The following SERPINB5 variants were observed in gnomAD, a reference collection of about 807,000 sequenced individuals.
SERPINB5 encodes serpin B5.
A neutral mutation model predicts 32.2 loss-of-function variants in SERPINB5; 27 were observed. The ratio of observed to expected loss-of-function variants is 0.84; its 90% confidence interval spans 0.62 to 1.16. The LOEUF is 1.16. Ranked by LOEUF, SERPINB5 falls within the 50% of genes most tolerant of loss-of-function variation. The pLI is 0.00. For synonymous variants in SERPINB5, 154 were observed against 157.4 expected, an observed-to-expected ratio of 0.98 and a Z score of 0.16; for missense variants, 388 against 436.3, an observed-to-expected ratio of 0.89 and a Z score of 0.99.
intron 4 of SERPINB5, 152 bp from the exon 5 acceptor site, chr18:63,492,801 A>G: frequency 1.1e-6 from 1 of 903,002 alleles, no homozygotes; most frequent in Non-Finnish European, 1.7e-6. Context: ...AAGGAGAGAA[A>G]GGAGTCCTTC....
In SERPINB5 at chr18:63,498,924, T is replaced by C. The variant is rs941051228; in HGVS notation, c.568-196T>C. Among the ~76,000 whole-genome samples, 1 of 150,886 alleles carries C rather than the reference T, an allele frequency of 6.6e-6. No homozygotes were observed. The highest frequency in any genetic ancestry group is 2.4e-5 in the African/African-American group (1 of 41,114). ...GTATGTATGCATATATATGTATATG[T>C]GTATATATAGGTGTATGTATATATG... On this transcript the variant is annotated intron_variant, in intron 5 of 6. Coordinates refer to ENST00000382771, the MANE Select transcript of SERPINB5 (RefSeq NM_002639.5). This position sits in a 1 kb window ranked among gnomAD's most constrained non-coding sequence, Gnocchi z 4.2.
intron 5 of SERPINB5, chr18:63,497,452 C>A: frequency 1.4e-6 from 1 of 703,484 alleles, no homozygotes; most frequent in Non-Finnish European, 2.5e-6. Flanking sequence ...GCACACCATT[C>A]TTGGTGCTGG....
chr18:63,484,269 A>G (rs1917170269), intron 1 of SERPINB5, among the ~76,000 whole-genome samples, 153 bp from the exon 2 acceptor site: 2 of 152,364 alleles, frequency 1.3e-5, no homozygotes, highest in East Asian at 1.9e-4. Context: ...TTTCTTCACA[A>G]CTGATCTTAC....
chr18:63,484,739 A>AAATTTTTTTT, intron 2 of SERPINB5, 143 bp downstream of exon 2: 2 of 144,428 alleles, frequency 1.4e-5, no homozygotes, highest in Non-Finnish European at 2.6e-5. Context: ...GACTCTCTTA[A>AAATTTTTTTT]TCTTTTTTTT....
intron 1 of SERPINB5, among the ~76,000 whole-genome samples, chr18:63,483,417 TTA>T (rs1917155970): frequency 6.6e-6 from 1 of 152,218 alleles, no homozygotes; most frequent in African/African-American, 2.4e-5. Flanking sequence ...TTAAGTATTG[TTA>T]TGTGCTGGGT....
At chr18:63,482,007 A>C (rs549643666) in intron 1 of SERPINB5, among the ~76,000 whole-genome samples, 27 of 152,324 alleles carry the variant, frequency 1.8e-4, no homozygotes, top group African/African-American at 6.0e-4. Context: ...TGTACTTATC[A>C]GGGACATATG....
At position 63,498,755 on chromosome 18, in the gene SERPINB5, A is replaced by G. The variant is rs528020225; in HGVS notation, c.568-365A>G. Reference sequence around the variant, plus strand: ...GTGTCAAGAGCAAATTTGTGTATATATATATATGTACATATATATTTATGT... The same window carrying G: ...GTGTCAAGAGCAAATTTGTGTATATGTATATATGTACATATATATTTATGT... On this transcript the variant is annotated intron_variant, in intron 5 of 6. Transcript: ENST00000382771. This position sits in a 1 kb window ranked among gnomAD's most constrained non-coding sequence, Gnocchi z 4.2. Among the ~76,000 whole-genome samples the G allele has an allele frequency of 4.6e-5, 7 of 151,678 alleles. No individual in the cohort carries two copies. The South Asian group carries it at 6.2e-4, about 13-fold the overall frequency.
At chr18:63,490,516 A>G (rs1300986809) in intron 4 of SERPINB5, 2 of 152,196 alleles carry the variant, frequency 1.3e-5, no homozygotes, top group Non-Finnish European at 1.5e-5. Flanking sequence ...GAATCTAGTC[A>G]TGAAAGAATG....
chr18:63,489,432 A>G lies in SERPINB5; in HGVS notation c.392A>G (p.Gln131Arg), dbSNP rs746065604. 2 of 1,612,548 alleles carry G rather than the reference A, an allele frequency of 1.2e-6. No individual in the cohort carries two copies. Among genetic ancestry groups the G allele is most frequent in the Non-Finnish European group, 1.7e-6 (2 of 1,178,940 alleles). ...FKDKLEETKG[Q>R]INNSIKDLTD... ...GATAAATTGGAAGAAACGAAAGGTCAGATCAACAACTCAATTAAGGATCTC... is the reference window on the plus strand; with the variant it reads ...GATAAATTGGAAGAAACGAAAGGTCGGATCAACAACTCAATTAAGGATCTC... Residue 131 changes from glutamine (Q) to arginine (R), a missense_variant, in exon 4 of 7, where the codon CAG becomes CGG. Gln to Arg is a conservative substitution (Grantham distance 43, BLOSUM62 1). Coordinates refer to ENST00000382771, the MANE Select transcript of SERPINB5 (RefSeq NM_002639.5).
At position 63,498,999 on chromosome 18, in the gene SERPINB5, GTATA is replaced by G. The variant is rs1909511417; in HGVS notation, c.568-116_568-113del. The G allele has an allele frequency of 2.2e-6, 1 of 445,766 alleles. No homozygotes were observed. 27.6% of individuals were successfully genotyped at this position (445,766 alleles called of 1,614,324 possible). A position where few individuals can be genotyped will look rare whatever the true frequency, so the allele number is the denominator to read the frequency against. On this transcript the variant is annotated intron_variant, in intron 5 of 6. Coordinates refer to ENST00000382771, the MANE Select transcript of SERPINB5 (RefSeq NM_002639.5). The surrounding 1 kb of genome is among the most constrained non-coding windows in gnomAD (Gnocchi z 4.2). ...TGTAGGTATATATGTATGTGTGTCTGTATATATACATGTGGGTATATATGTGTGT... is the reference window on the plus strand; with the variant it reads ...TGTAGGTATATATGTATGTGTGTCTGTATACATGTGGGTATATATGTGTGT...
chr18:63,492,002 T>A (rs921805970), intron 4 of SERPINB5, among the ~76,000 whole-genome samples: 3 of 152,210 alleles, frequency 2.0e-5, no homozygotes, highest in Non-Finnish European at 4.4e-5. Context: ...TTTGAGGTAG[T>A]GACAGCTGAA....
rs1741667414 is a variant in SERPINB5 at position 63,503,402 on chromosome 18, A to G, written c.808A>G (p.Lys270Glu). ...NPSTMANAKV[K>E]LSIPKFKVEK... ...CAGCACCATGGCCAATGCCAAGGTC[A>G]AACTCTCCATTCCAAAATTTAAGGT... Residue 270 changes from lysine to glutamate, a missense_variant, in exon 7 of 7, where the codon AAA (lysine) becomes GAA (glutamate). Physicochemically the swap from Lys to Glu is moderately conservative, Grantham distance 56. Transcript: ENST00000382771. The G allele has an allele frequency of 1.9e-6, 3 of 1,614,260 alleles. No individual in the cohort carries two copies. Among genetic ancestry groups the G allele is most frequent in the Non-Finnish European group, 2.5e-6 (3 of 1,180,046 alleles).
At position 63,492,960 on chromosome 18, in the gene SERPINB5, T is replaced by G. The variant is rs1312675429; in HGVS notation, c.432T>G (p.Phe144Leu). The change falls in exon 5 of 7, where the codon TTT becomes TTG. Residue 144 changes from phenylalanine to leucine, a missense_variant. Physicochemically the swap from Phe to Leu is conservative, Grantham distance 22. Transcript: ENST00000382771. Reference protein sequence around the residue: ...NSIKDLTDGHFENILADNSVN... With the variant: ...NSIKDLTDGHLENILADNSVN... ...TTCCTAAAATTGTTGCAGGCCACTT[T>G]GAGAACATTTTAGCTGACAACAGTG... The G allele has an allele frequency of 1.2e-6, 2 of 1,608,836 alleles. No individual in the cohort carries two copies. The highest frequency in any genetic ancestry group is 2.2e-5 in the East Asian group (1 of 44,784).
chr18:63,494,866 A>G (rs1909416156), intron 5 of SERPINB5, among the ~76,000 whole-genome samples: 1 of 152,168 alleles, frequency 6.6e-6, no homozygotes, highest in Non-Finnish European at 1.5e-5. Flanking sequence ...CAGTGTCTAC[A>G]ATTTCTGGCC....
chr18:63,482,266 A>G (rs2060732683), intron 1 of SERPINB5, among the ~76,000 whole-genome samples: 1 of 152,122 alleles, frequency 6.6e-6, no homozygotes, highest in South Asian at 2.1e-4. Flanking sequence ...GCAAATTGCA[A>G]TCCTATTCAT....
chr18:63,496,168 T>C (rs1020152069), intron 5 of SERPINB5, among the ~76,000 whole-genome samples: 7 of 152,226 alleles, frequency 4.6e-5, no homozygotes, highest in Non-Finnish European at 7.3e-5. Context: ...ATAAAGTACC[T>C]GTAGTCAGTG....
chr18:63,500,423 C>T (rs1909547434), intron 6 of SERPINB5, among the ~76,000 whole-genome samples: 1 of 152,064 alleles, frequency 6.6e-6, no homozygotes, highest in Non-Finnish European at 1.5e-5. Context: ...TTAATACGTA[C>T]ACATATATGC....
intron 6 of SERPINB5, among the ~76,000 whole-genome samples, chr18:63,500,716 G>A: frequency 6.6e-6 from 1 of 152,104 alleles, no homozygotes; most frequent in South Asian, 2.1e-4. Context: ...CAGGAAGGAA[G>A]AAGGGGCTCT....
At chr18:63,485,278 A>C (rs1381315577) in intron 2 of SERPINB5, among the ~76,000 whole-genome samples, 2 of 132,106 alleles carry the variant, frequency 1.5e-5, no homozygotes, top group Non-Finnish European at 3.6e-5. Context: ...TAGACCTTCA[A>C]ATGAGACAAT....
Sources: allele counts gnomAD v4.1 joint callset (sites outside exome capture counted in the v4.1 genomes callset), GRCh38; gene constraint gnomAD v4.1.1; non-coding constraint Gnocchi (gnomAD v3.1); transcripts MANE v1.5; gene names NCBI Gene and HGNC (gene_info 2026-07-23, HGNC 2026-07-21).